The following NKAIN2 variants were observed in gnomAD, a reference collection of about 807,000 sequenced individuals.
NKAIN2 encodes sodium/potassium transporting ATPase interacting 2, also known as sodium/potassium-transporting ATPase subunit beta-1-interacting protein 2.
Under a neutral mutation model 32.6 loss-of-function variants are expected in NKAIN2, and 14 were observed. The observed-to-expected ratio is 0.43, with a 90% confidence interval of 0.28 to 0.67. The LOEUF is 0.67. NKAIN2 is among the 30% of genes least tolerant of loss of function. The pLI is 0.17. For synonymous variants in NKAIN2, 80 were observed against 87.2 expected (o/e 0.92, Z 0.46); for missense variants, 198 against 258.3 (o/e 0.77, Z 1.60).
At chr6:124,042,075 T>A (rs1290254892) in intron 1 of NKAIN2, among the ~76,000 whole-genome samples, 1 of 152,086 alleles carries the variant, frequency 6.6e-6, no homozygotes, top group Non-Finnish European at 1.5e-5. Context: ...AATCCCACAA[T>A]GACATTGAAG....
intron 1 of NKAIN2, among the ~76,000 whole-genome samples, chr6:124,204,002 G>A (rs1790727803): frequency 6.6e-6 from 1 of 151,832 alleles, no homozygotes. Context: ...GATCAATGCT[G>A]TTTTGTAGTG....
At chr6:124,123,427 G>GT (rs759074388) in intron 1 of NKAIN2, among the ~76,000 whole-genome samples, 1 of 152,038 alleles carries the variant, frequency 6.6e-6, no homozygotes, top group Non-Finnish European at 1.5e-5. Context: ...GCTAATTCTT[G>GT]TTTTTCCCAG....
intron 3 of NKAIN2, among the ~76,000 whole-genome samples, chr6:124,431,058 C>A (rs552774624): frequency 6.6e-6 from 1 of 152,286 alleles, no homozygotes; most frequent in South Asian, 2.1e-4. Flanking sequence ...GAGATAACTT[C>A]TTCATTGCCT....
intron 3 of NKAIN2, among the ~76,000 whole-genome samples, chr6:124,492,327 G>T (rs539725329): frequency 3.3e-5 from 5 of 152,030 alleles, no homozygotes; most frequent in Admixed American, 1.3e-4. Context: ...CTTCTAAAAT[G>T]AATGAGTTTT....
At chr6:124,342,191 G>A (rs955823985) in intron 2 of NKAIN2, among the ~76,000 whole-genome samples, 1 of 151,780 alleles carries the variant, frequency 6.6e-6, no homozygotes, top group African/African-American at 2.4e-5. Context: ...CACGAGGTCA[G>A]AAGATCGAGA....
At chr6:124,242,094 A>G (rs1232229119) in intron 1 of NKAIN2, among the ~76,000 whole-genome samples, 1 of 152,220 alleles carries the variant, frequency 6.6e-6, no homozygotes, top group Non-Finnish European at 1.5e-5. Flanking sequence ...AGAAACTATC[A>G]ACAGAGTGAA....
At chr6:124,186,015 C>T (rs2114564695) in intron 1 of NKAIN2, among the ~76,000 whole-genome samples, 1 of 151,928 alleles carries the variant, frequency 6.6e-6, no homozygotes, top group East Asian at 1.9e-4. Context: ...AAACTGGGGG[C>T]TCCTACCTGT....
intron 3 of NKAIN2, among the ~76,000 whole-genome samples, chr6:124,655,457 T>C (rs1196651638): frequency 6.6e-6 from 1 of 152,186 alleles, no homozygotes; most frequent in African/African-American, 2.4e-5. Context: ...AAATGATCAC[T>C]TCTGATTACC....
Position 124,343,400 on chromosome 6 carries a change from C to T in NKAIN2, c.193-11867C>T, listed in dbSNP as rs868809985. Among the ~76,000 whole-genome samples the T allele has an allele frequency of 5.3e-3, 799 of 150,452 alleles. 5 individuals carry two copies. Among genetic ancestry groups the T allele is most frequent in the African/African-American group, 0.018 (753 of 40,978 alleles). ...TTCTAGTTCTAGATCCCAGAGGAATCGCCACACTGACTTCCACAATGGTTG... is the reference window on the plus strand; with the variant it reads ...TTCTAGTTCTAGATCCCAGAGGAATTGCCACACTGACTTCCACAATGGTTG... On this transcript the variant is annotated intron_variant, in intron 2 of 6. Coordinates refer to ENST00000368417, the MANE Select transcript of NKAIN2 (RefSeq NM_001040214.3).
chr6:124,524,785 T>C (rs992950576), intron 3 of NKAIN2, among the ~76,000 whole-genome samples: 1 of 152,246 alleles, frequency 6.6e-6, no homozygotes, highest in Non-Finnish European at 1.5e-5. Context: ...GATAGTTCTC[T>C]GTGCTTTTGA....
chr6:124,707,617 T>C (rs1024931387), intron 4 of NKAIN2, among the ~76,000 whole-genome samples: 1 of 145,722 alleles, frequency 6.9e-6, no homozygotes, highest in African/African-American at 2.6e-5. Flanking sequence ...TTTCATGTGT[T>C]TTTTGGCTGC....
At chr6:124,431,955 G>A (rs183895326) in intron 3 of NKAIN2, among the ~76,000 whole-genome samples, 88 of 152,246 alleles carry the variant, frequency 5.8e-4, no homozygotes, top group African/African-American at 4.8e-4. Context: ...GGCCAGAATC[G>A]TTGTTCAGAA....
chr6:124,044,619 G>C (rs1330708194), intron 1 of NKAIN2, among the ~76,000 whole-genome samples: 1 of 151,976 alleles, frequency 6.6e-6, no homozygotes, highest in Non-Finnish European at 1.5e-5. Context: ...GTACACTGTT[G>C]AGCCCCAGGC....
intron 3 of NKAIN2, among the ~76,000 whole-genome samples, chr6:124,407,882 G>A (rs12182335): frequency 0.18 from 26,357 of 144,394 alleles, 2,218 homozygotes; most frequent in East Asian, 0.22. Context: ...TTTAATGATT[G>A]CCATTCTAAC....
chr6:124,053,531 A>T (rs563225866), intron 1 of NKAIN2, among the ~76,000 whole-genome samples: 3 of 152,164 alleles, frequency 2.0e-5, no homozygotes, highest in Admixed American at 2.0e-4. Flanking sequence ...CTTGTCAAAG[A>T]CAATTTATGA....
intron 1 of NKAIN2, among the ~76,000 whole-genome samples, chr6:124,041,273 A>G (rs1391303355): frequency 2.0e-5 from 3 of 152,048 alleles, no homozygotes; most frequent in Admixed American, 6.6e-5. Context: ...TTATCCGCAC[A>G]TCATCTCATA....
chr6:124,796,189 G>A (rs559481338), intron 5 of NKAIN2, among the ~76,000 whole-genome samples: 1 of 152,214 alleles, frequency 6.6e-6, no homozygotes, highest in East Asian at 1.9e-4. Flanking sequence ...ACATACCACA[G>A]ACATAGTGGC....
chr6:124,412,421 G>A (rs1378781339), intron 3 of NKAIN2, among the ~76,000 whole-genome samples: 1 of 152,182 alleles, frequency 6.6e-6, no homozygotes, highest in African/African-American at 2.4e-5. Flanking sequence ...AGGTCTGTTG[G>A]AGTTTGCTGG....
chr6:124,184,780 G>C (rs755849725), intron 1 of NKAIN2, among the ~76,000 whole-genome samples: 1 of 152,064 alleles, frequency 6.6e-6, no homozygotes, highest in African/African-American at 2.4e-5. Context: ...GAATCAAAGG[G>C]AATGGACAAA....
Sources: allele counts gnomAD v4.1 joint callset (sites outside exome capture counted in the v4.1 genomes callset), GRCh38; gene constraint gnomAD v4.1.1; transcripts MANE v1.5; gene names NCBI Gene and HGNC (gene_info 2026-07-23, HGNC 2026-07-21).